Variants in GALM observed in about 807,000 individuals in gnomAD.
The protein encoded by GALM is aldose 1-epimerase.
A neutral mutation model predicts 37.4 loss-of-function variants in GALM; 43 were observed. The observed-to-expected ratio is 1.15, with a 90% confidence interval of 0.90 to 1.48. GALM has a LOEUF of 1.48. Among genes scored for constraint, GALM ranks in the 40% most tolerant of loss-of-function variants. GALM has a pLI of 0.00. For missense variants in GALM, 456 were observed against 419.1 expected, an observed-to-expected ratio of 1.09 and a Z score of -0.77; for synonymous variants, 199 against 170.6, an observed-to-expected ratio of 1.17 and a Z score of -1.30.
rs111758080 is a variant in GALM at position 38,692,158 on chromosome 2, C to T, written c.634+2264C>T. On this transcript the variant is annotated intron_variant, in intron 4 of 6. Transcript: ENST00000272252. Reference sequence around the variant, plus strand: ...CAGAGCTCATGAAAAATTTGTAATTCTCTCCTACCTATCCATACTTGAGTC... The same window carrying T: ...CAGAGCTCATGAAAAATTTGTAATTTTCTCCTACCTATCCATACTTGAGTC... 4.3e-3 allele frequency among the ~76,000 whole-genome samples: 660 copies of T among 152,276 alleles called. 8 individuals are homozygous for T. Among genetic ancestry groups the T allele is most frequent in the African/African-American group, 0.015 (636 of 41,556 alleles).
chr2:38,727,758 T>C (rs1356397640), intron 4 of GALM, among the ~76,000 whole-genome samples: 1 of 150,158 alleles, frequency 6.7e-6, no homozygotes, highest in African/African-American at 2.4e-5. Flanking sequence ...GAAAAATAAA[T>C]GAAATGTCCT....
chr2:38,727,050 T>C (rs1666501089), intron 4 of GALM, among the ~76,000 whole-genome samples: 1 of 151,790 alleles, frequency 6.6e-6, no homozygotes, highest in South Asian at 2.1e-4. Context: ...ACCCCGTCTC[T>C]ACAAAAAATA....
At chr2:38,666,970 T>A (rs1225237232) in intron 1 of GALM, among the ~76,000 whole-genome samples, 1 of 152,124 alleles carries the variant, frequency 6.6e-6, no homozygotes, top group Non-Finnish European at 1.5e-5. Context: ...CCATGGGCAA[T>A]TAGGATCAGG....
chr2:38,694,920 A>G (rs1014189715), intron 4 of GALM, among the ~76,000 whole-genome samples: 1 of 151,096 alleles, frequency 6.6e-6, no homozygotes, highest in Non-Finnish European at 1.5e-5. Context: ...AAACAAAAAA[A>G]GAAAGGGAAA....
rs73930826 is a variant in GALM, at chr2:38,678,770, G to A, written c.346-2510G>A. ...GGTTCTCCTTCCTGGCAAATGCCAC[G>A]TCTGTGAGAGCAAAGTGGACAGATC... On this transcript the variant is annotated intron_variant, in intron 2 of 6. Coordinates refer to ENST00000272252, the MANE Select transcript of GALM (RefSeq NM_138801.3). Among the ~76,000 whole-genome samples the A allele has an allele frequency of 3.8e-3, 578 of 152,258 alleles. 5 individuals carry two copies. Among genetic ancestry groups the A allele is most frequent in the African/African-American group, 0.013 (550 of 41,570 alleles).
At position 38,734,041 on chromosome 2, in the gene GALM, C is replaced by A. The variant is rs1572549707; in HGVS notation, c.*476C>A. The A allele has an allele frequency of 5.2e-6, 1 of 192,362 alleles. No individual in the cohort carries two copies. The highest frequency in any genetic ancestry group is 1.2e-4 in the East Asian group (1 of 8,082). 11.9% of individuals were successfully genotyped at this position (192,362 alleles called of 1,614,324 possible). ...AGGAGATGGACCTGTCTCTATACAG[C>A]AGTAGATGATTGATAAGTGAGGAAA... is the stretch of plus-strand genomic sequence containing the variant. On this transcript the variant is annotated 3_prime_UTR_variant, in exon 7 of 7. Coordinates refer to ENST00000272252, the MANE Select transcript of GALM (RefSeq NM_138801.3).
chr2:38,690,834 G>A (rs1003373049), intron 4 of GALM, among the ~76,000 whole-genome samples: 4 of 152,146 alleles, frequency 2.6e-5, no homozygotes, highest in African/African-American at 9.7e-5. Flanking sequence ...AGCAACTTCA[G>A]GTAACAGCAG....
intron 1 of GALM, among the ~76,000 whole-genome samples, chr2:38,670,426 A>T (rs1665063489): frequency 6.6e-6 from 1 of 152,208 alleles, no homozygotes; most frequent in Non-Finnish European, 1.5e-5. Flanking sequence ...AGGAAAAAAA[A>T]GGATCAGGTT....
In GALM at chr2:38,731,743, ATGCTGCAAGCGGGCGGGTACT is replaced by A; in HGVS notation, c.786_806del (p.His262_Leu269delinsGln). On this transcript the variant is annotated inframe_deletion, in exon 6 of 7. Transcript: ENST00000272252. Reference sequence around the variant, plus strand: ...TTTGTATTTCTTACCAGGGTGCATCATGCTGCAAGCGGGCGGGTACTAGAAGTATACACCACCCAGCCCGGG... The same window carrying A: ...TTTGTATTTCTTACCAGGGTGCATCAAGAAGTATACACCACCCAGCCCGGG... 1 of 1,613,694 alleles carries A rather than the reference ATGCTGCAAGCGGGCGGGTACT, an allele frequency of 6.2e-7. No homozygotes were observed. The highest frequency in any genetic ancestry group is 8.5e-7 in the Non-Finnish European group (1 of 1,179,742).
intron 5 of GALM, 26 bp downstream of exon 5, chr2:38,729,723 C>T (rs373416313): frequency 1.9e-6 from 3 of 1,588,664 alleles, no homozygotes; most frequent in Non-Finnish European, 2.6e-6. Flanking sequence ...CTTCCTGAGT[C>T]TGTAAGGAAG....
intron 4 of GALM, among the ~76,000 whole-genome samples, chr2:38,723,531 G>C (rs72897912): frequency 0.05 from 7,615 of 152,234 alleles, 544 homozygotes; most frequent in African/African-American, 0.16. Flanking sequence ...ACTCACGCCT[G>C]TAATCGTAGC....
rs3112178 is a variant in GALM, at chr2:38,733,825, G to A, written c.*260G>A. 0.23 allele frequency: 103,800 copies of A among 454,896 alleles called. 12,609 individuals carry two copies. Among genetic ancestry groups the A allele is most frequent in the Admixed American group, 0.28 (8,341 of 29,818 alleles). The allele number at this position is 454,896 out of a possible 1,614,324, so 28.2% of individuals were successfully genotyped here. Reference sequence around the variant, plus strand: ...CCAACAATGTCGTCATCTAAGCCCTGACCCTAGCCAGGGACTCCCATGCTG... The same window carrying A: ...CCAACAATGTCGTCATCTAAGCCCTAACCCTAGCCAGGGACTCCCATGCTG... On this transcript the variant is annotated 3_prime_UTR_variant, in exon 7 of 7. Coordinates refer to ENST00000272252, the MANE Select transcript of GALM (RefSeq NM_138801.3).
intron 1 of GALM, chr2:38,669,204 G>A (rs1665025937): frequency 6.6e-6 from 1 of 152,236 alleles, no homozygotes; most frequent in Admixed American, 6.5e-5. Context: ...CAGGCAGACA[G>A]CCCGGCACTA....
chr2:38,676,492 G>A (rs901966752), intron 2 of GALM, among the ~76,000 whole-genome samples: 1 of 152,252 alleles, frequency 6.6e-6, no homozygotes, highest in Non-Finnish European at 1.5e-5. Flanking sequence ...GCCAGGCACA[G>A]TGGCTCACGC....
At chr2:38,682,722 C>T (rs986940779) in intron 3 of GALM, among the ~76,000 whole-genome samples, 6 of 152,026 alleles carry the variant, frequency 3.9e-5, no homozygotes, top group African/African-American at 1.4e-4. Context: ...CATAGTGAAA[C>T]CCCGTCTCTA....
At chr2:38,666,543 T>TA (rs1480760647) in intron 1 of GALM, among the ~76,000 whole-genome samples, 192 bp downstream of exon 1, 2 of 152,214 alleles carry the variant, frequency 1.3e-5, no homozygotes, top group African/African-American at 4.8e-5. Flanking sequence ...CTGTAATAAA[T>TA]AAACTATGGC....
chr2:38,705,718 G>T (rs982434624), intron 4 of GALM, among the ~76,000 whole-genome samples: 1 of 152,222 alleles, frequency 6.6e-6, no homozygotes, highest in African/African-American at 2.4e-5. Flanking sequence ...TGCATGTGCA[G>T]GGTCAGCACC....
chr2:38,733,867 T>G lies in GALM; in HGVS notation c.*302T>G. 2.6e-6 allele frequency: 1 copy of G among 385,930 alleles called. No individual in the cohort carries two copies. Among genetic ancestry groups the G allele is most frequent in the Non-Finnish European group, 4.9e-6 (1 of 205,912 alleles). The allele number at this position is 385,930 out of a possible 1,614,324, so 23.9% of individuals were successfully genotyped here. A position where few individuals can be genotyped will look rare whatever the true frequency, so the allele number is the denominator to read the frequency against. On this transcript the variant is annotated 3_prime_UTR_variant, in exon 7 of 7. Transcript: ENST00000272252. ...CCCATGCTGCTGTTGGCTCCATCTC[T>G]CCACACTGCCTCTTTCTTTTCAACT...
At chr2:38,728,042 T>TA (rs1487356642) in intron 4 of GALM, among the ~76,000 whole-genome samples, 2 of 152,166 alleles carry the variant, frequency 1.3e-5, no homozygotes, top group African/African-American at 4.8e-5. Context: ...AAGAGTATGT[T>TA]AACCTCCTAA....
Sources: allele counts gnomAD v4.1 joint callset (sites outside exome capture counted in the v4.1 genomes callset), GRCh38; gene constraint gnomAD v4.1.1; transcripts MANE v1.5; gene names NCBI Gene and HGNC (gene_info 2026-07-23, HGNC 2026-07-21).